The following NGEF variants were observed in gnomAD, a reference collection of about 807,000 sequenced individuals.
The protein encoded by NGEF is neuronal guanine nucleotide exchange factor.
NGEF carries 31 observed loss-of-function variants against 80.9 expected under a neutral mutation model. The observed-to-expected ratio is 0.38, with a 90% CI of 0.29 to 0.52. The LOEUF is 0.52. Among genes scored for constraint, NGEF ranks in the 20% least tolerant of loss-of-function variants. The probability of loss-of-function intolerance (pLI) is 0.84; values close to 1 mark genes in which losing one functional copy is unlikely to be tolerated. For missense variants in NGEF, 709 were observed against 926.2 expected, an observed-to-expected ratio of 0.77 and a Z score of 3.04; for synonymous variants, 371 against 370.2, an observed-to-expected ratio of 1.00 and a Z score of -0.03.
At chr2:232,975,417 C>T (rs1430586714) in intron 1 of NGEF, among the ~76,000 whole-genome samples, 1 of 152,128 alleles carries the variant, frequency 6.6e-6, no homozygotes, top group East Asian at 1.9e-4. Context: ...GGTTGATCCC[C>T]AAGGCGACAA....
In NGEF at chr2:232,955,082, C is replaced by T. The variant is rs377172091; in HGVS notation, c.383+15132G>A. Among the ~76,000 whole-genome samples the T allele has an allele frequency of 2.6e-5, 4 of 152,292 alleles. No homozygotes were observed. In the South Asian group the frequency reaches 8.3e-4, roughly 32 times the overall value. ...GGCAGAGAAAGCCGAAATAACCTGC[C>T]TAAGGTCAAGTCTGGGAGTCTCCCT... On this transcript the variant is annotated intron_variant, in intron 3 of 14. Coordinates refer to ENST00000264051, the MANE Select transcript of NGEF (RefSeq NM_019850.3).
chr2:232,892,608 T>G lies in NGEF; in HGVS notation c.1142+290A>C, dbSNP rs774541231. 1.3e-5 allele frequency among the ~76,000 whole-genome samples: 2 copies of G among 152,186 alleles called. No homozygotes were observed. The highest frequency in any genetic ancestry group is 2.9e-5 in the Non-Finnish European group (2 of 68,028). ...TTGACCTCAAGCTCTCTTTTCTAACTGCACAGTGCTCTGCTCAGCCATTGG... is the reference window on the plus strand; with the variant it reads ...TTGACCTCAAGCTCTCTTTTCTAACGGCACAGTGCTCTGCTCAGCCATTGG... On this transcript the variant is annotated intron_variant, in intron 7 of 14. Coordinates refer to ENST00000264051, the MANE Select transcript of NGEF (RefSeq NM_019850.3). The surrounding 1 kb of genome is among the most constrained non-coding windows in gnomAD (Gnocchi z 4.0).
At chr2:232,984,081 A>G (rs1004905040) in intron 1 of NGEF, among the ~76,000 whole-genome samples, 1 of 152,134 alleles carries the variant, frequency 6.6e-6, no homozygotes, top group Non-Finnish European at 1.5e-5. Context: ...GCTGGGACAG[A>G]AATCACTGAA....
chr2:232,891,209 C>T (rs1691872552), intron 8 of NGEF, 149 bp downstream of exon 8: 4 of 1,072,922 alleles, frequency 3.7e-6, no homozygotes, highest in Non-Finnish European at 5.5e-6. Flanking sequence ...GGCGCTGCAT[C>T]CTCACTGCCC....
intron 1 of NGEF, among the ~76,000 whole-genome samples, chr2:232,978,439 G>A (rs955122069): frequency 6.6e-6 from 1 of 152,124 alleles, no homozygotes; most frequent in Non-Finnish European, 1.5e-5. Context: ...CGCTTGAAAC[G>A]GGAAGGCATA....
chr2:232,992,900 T>C (rs1694678536), intron 1 of NGEF, among the ~76,000 whole-genome samples: 3 of 150,452 alleles, frequency 2.0e-5, no homozygotes. Flanking sequence ...GGTGGGAGGA[T>C]GGCTTCAACC....
chr2:232,893,499 C>T (rs954999412), intron 6 of NGEF, among the ~76,000 whole-genome samples: 2 of 152,134 alleles, frequency 1.3e-5, no homozygotes, highest in African/African-American at 2.4e-5. Flanking sequence ...CAGGGCCAGG[C>T]GCAGTGGCTC....
chr2:232,922,220 A>G (rs1277737996), intron 4 of NGEF, among the ~76,000 whole-genome samples: 1 of 152,266 alleles, frequency 6.6e-6, no homozygotes, highest in Non-Finnish European at 1.5e-5. Context: ...TTCTTTATCT[A>G]ATTGTTAAAC....
chr2:232,993,159 A>ATTTATT (rs1694696104), intron 1 of NGEF, among the ~76,000 whole-genome samples: 3 of 115,890 alleles, frequency 2.6e-5, no homozygotes, highest in African/African-American at 1.1e-4. Flanking sequence ...GGGCAAATAT[A>ATTTATT]TATATATTAT....
chr2:232,896,352 C>T (rs1692059113), intron 5 of NGEF, among the ~76,000 whole-genome samples: 1 of 152,072 alleles, frequency 6.6e-6, no homozygotes. Flanking sequence ...GATACAGCCA[C>T]CAGCAGTTGG....
intron 1 of NGEF, among the ~76,000 whole-genome samples, chr2:232,997,428 C>A (rs1336154718): frequency 3.3e-5 from 5 of 152,186 alleles, no homozygotes; most frequent in East Asian, 3.9e-4. Flanking sequence ...GTGACACAGG[C>A]CTCTGCAGTG....
intron 4 of NGEF, among the ~76,000 whole-genome samples, chr2:232,925,552 G>A (rs1693044364): frequency 2.0e-5 from 3 of 152,072 alleles, no homozygotes; most frequent in Non-Finnish European, 1.5e-5. Flanking sequence ...AGCCGGCTTC[G>A]GACTTCTGCC....
chr2:232,986,248 G>A (rs1694529347), intron 1 of NGEF, among the ~76,000 whole-genome samples: 1 of 152,244 alleles, frequency 6.6e-6, no homozygotes, highest in Non-Finnish European at 1.5e-5. Flanking sequence ...GGGCACCCTT[G>A]TGTGCTGGTG....
At chr2:233,011,524 G>T (rs1695202492) in intron 1 of NGEF, among the ~76,000 whole-genome samples, 1 of 151,540 alleles carries the variant, frequency 6.6e-6, no homozygotes, top group African/African-American at 2.4e-5. Flanking sequence ...CAACATCTGG[G>T]CTATTTTGTT....
intron 1 of NGEF, among the ~76,000 whole-genome samples, chr2:232,976,333 A>G (rs1694293020): frequency 6.6e-6 from 1 of 152,078 alleles, no homozygotes; most frequent in South Asian, 2.1e-4. Context: ...GCTGGGTTTC[A>G]GATGCCTCCT....
intron 1 of NGEF, among the ~76,000 whole-genome samples, chr2:232,980,647 T>A (rs2106327586): frequency 6.6e-6 from 1 of 152,206 alleles, no homozygotes; most frequent in South Asian, 2.1e-4. Flanking sequence ...TATAGGTGCC[T>A]ATCACCGTGC....
intron 3 of NGEF, among the ~76,000 whole-genome samples, chr2:232,959,596 T>TTA (rs1205790056): frequency 1.4e-5 from 2 of 146,046 alleles, no homozygotes; most frequent in Admixed American, 6.9e-5. Context: ...TTTTTTTTTT[T>TTA]AAGACAGAGC....
At chr2:232,939,425 C>T (rs774085323) in intron 3 of NGEF, among the ~76,000 whole-genome samples, 3 of 151,978 alleles carry the variant, frequency 2.0e-5, no homozygotes, top group Non-Finnish European at 4.4e-5. Context: ...GAATGCATTG[C>T]CTTAACCATT....
At chr2:232,908,634 G>A (rs994967870) in intron 5 of NGEF, among the ~76,000 whole-genome samples, 14 of 151,946 alleles carry the variant, frequency 9.2e-5, no homozygotes, top group African/African-American at 3.4e-4. Flanking sequence ...CAACTCCTGG[G>A]CTAAAACCAC....
Sources: allele counts gnomAD v4.1 joint callset (sites outside exome capture counted in the v4.1 genomes callset), GRCh38; gene constraint gnomAD v4.1.1; non-coding constraint Gnocchi (gnomAD v3.1); transcripts MANE v1.5; gene names NCBI Gene and HGNC (gene_info 2026-07-23, HGNC 2026-07-21).